Variants in WDR44 observed in about 807,000 individuals in gnomAD.
WDR44 encodes WD repeat-containing protein 44.
In WDR44, 9 loss-of-function variants were observed where a neutral mutation model predicts 65.7. The ratio of observed to expected loss-of-function variants is 0.14; its 90% CI spans 0.08 to 0.24. The LOEUF is 0.24. WDR44 is among the 10% of genes least tolerant of loss of function. WDR44 has a pLI of 1.00. For missense variants in WDR44, 425 were observed against 670.9 expected, an observed-to-expected ratio of 0.63 and a Z score of 4.05; for synonymous variants, 220 against 235.2, an observed-to-expected ratio of 0.94 and a Z score of 0.59.
At chrX:118,440,781 C>G (rs2057297997) in intron 14 of WDR44, among the ~76,000 whole-genome samples, 1 of 111,137 alleles carries the variant, frequency 9.0e-6, no homozygotes, top group Non-Finnish European at 1.9e-5. Flanking sequence ...GCAATACACA[C>G]TCAAACACTT....
chrX:118,377,089 G>T (rs149005505), intron 1 of WDR44, among the ~76,000 whole-genome samples: 11,589 of 110,364 alleles, frequency 0.11, 630 homozygotes, highest in Admixed American at 0.25. Flanking sequence ...GGTACACAGT[G>T]GTTCGTTCCT....
chrX:118,352,352 A>ATATATTTTTTTTTTTTTT (rs1357425730), intron 1 of WDR44, among the ~76,000 whole-genome samples: 4 of 14,224 alleles, frequency 2.8e-4, no homozygotes, highest in Admixed American at 3.7e-3. Flanking sequence ...ATATATATAT[A>ATATATTTTTTTTTTTTTT]TTTTTTTTTT....
chrX:118,424,201 A>G lies in WDR44; in HGVS notation c.1738-8580A>G, dbSNP rs1035736931. Among the ~76,000 whole-genome samples, 12 of 105,260 alleles carry G rather than the reference A, an allele frequency of 1.1e-4. No individual in the cohort carries two copies. In the Admixed American group the frequency reaches 1.2e-3, roughly 10 times the overall value. The allele number at this position is 105,260 out of a possible 115,157, so 91.4% of individuals were successfully genotyped here. A position where few individuals can be genotyped will look rare whatever the true frequency, so the allele number is the denominator to read the frequency against. Reference sequence around the variant, plus strand: ...ACTGGTTTTCATAGTAGGTGCACCAATTTACATTCCCATCGACTGTACAGG... The same window carrying G: ...ACTGGTTTTCATAGTAGGTGCACCAGTTTACATTCCCATCGACTGTACAGG... On this transcript the variant is annotated intron_variant, in intron 12 of 19. Coordinates refer to ENST00000254029, the MANE Select transcript of WDR44 (RefSeq NM_019045.5).
chrX:118,405,632 G>A (rs1271349927), intron 9 of WDR44, among the ~76,000 whole-genome samples: 3 of 111,453 alleles, frequency 2.7e-5, no homozygotes, highest in East Asian at 2.8e-4. Context: ...GAGCCACCGC[G>A]CCTGGCCAGC....
chrX:118,418,245 G>A (rs933243294), intron 12 of WDR44, among the ~76,000 whole-genome samples: 1 of 111,050 alleles, frequency 9.0e-6, no homozygotes, highest in South Asian at 3.9e-4. Context: ...GTGATTTTTC[G>A]GGGGTTGTTA....
intron 12 of WDR44, 74 bp downstream of exon 12, chrX:118,411,033 A>G (rs2057008836): frequency 2.3e-6 from 2 of 868,374 alleles, no homozygotes; most frequent in Admixed American, 3.7e-5. Flanking sequence ...ATTTTTGTGT[A>G]TCAGAAATTA....
rs924368283 is a variant in WDR44, at chrX:118,449,933, T to A, written c.*946T>A. The A allele has an allele frequency of 8.0e-5, 9 of 112,537 alleles. No individual in the cohort carries two copies. Among genetic ancestry groups the A allele is most frequent in the Non-Finnish European group, 1.5e-4 (8 of 53,279 alleles). 9.3% of individuals were successfully genotyped at this position (112,537 alleles called of 1,213,427 possible). A position where few individuals can be genotyped will look rare whatever the true frequency, so the allele number is the denominator to read the frequency against. ...TTTCTGAAAATTAAATATGTATTAT[T>A]AAAAGTTGGTCTCCAACACTTGTTT... On this transcript the variant is annotated 3_prime_UTR_variant, in exon 20 of 20. Coordinates refer to ENST00000254029, the MANE Select transcript of WDR44 (RefSeq NM_019045.5).
chrX:118,421,404 T>C (rs555348088), intron 12 of WDR44, among the ~76,000 whole-genome samples: 1 of 111,665 alleles, frequency 9.0e-6, no homozygotes, highest in Non-Finnish European at 1.9e-5. Context: ...AAGAGATCAT[T>C]TGGGGTTTGT....
Position 118,346,369 on chromosome X carries a change from A to G in WDR44, c.-135A>G. 1.8e-6 allele frequency: 1 copy of G among 546,912 alleles called. No individual in the cohort carries two copies. 45.1% of individuals were successfully genotyped at this position (546,912 alleles called of 1,213,427 possible). ...CTTTCCTTAACAGTCTCCTCGCTAC[A>G]GATCGTCTGCTCCCTCAGCCTCGCC... On this transcript the variant is annotated 5_prime_UTR_variant, in exon 1 of 20. Transcript: ENST00000254029.
intron 19 of WDR44, among the ~76,000 whole-genome samples, chrX:118,445,945 G>A (rs373882769): frequency 2.8e-5 from 3 of 108,140 alleles, no homozygotes; most frequent in Admixed American, 2.0e-4. Flanking sequence ...CTGGAGAATC[G>A]CTTGAACCAG....
At chrX:118,352,599 G>GTCTAACC (rs2056425164) in intron 1 of WDR44, among the ~76,000 whole-genome samples, 1 of 108,427 alleles carries the variant, frequency 9.2e-6, no homozygotes, top group African/African-American at 3.4e-5. Context: ...TAGACTTACT[G>GTCTAACC]TCTAACCTTT....
intron 1 of WDR44, among the ~76,000 whole-genome samples, chrX:118,346,860 G>A (rs2056355697): frequency 8.9e-6 from 1 of 111,917 alleles, no homozygotes; most frequent in South Asian, 3.8e-4. Context: ...CCTTCTGTGA[G>A]GGGGAACAGC....
chrX:118,423,723 AG>A (rs2057124922), intron 12 of WDR44, among the ~76,000 whole-genome samples: 1 of 111,995 alleles, frequency 8.9e-6, no homozygotes, highest in African/African-American at 3.2e-5. Flanking sequence ...TCATTTTGAA[AG>A]TGAAACTTTG....
chrX:118,448,429 C>T (rs2147759863), intron 19 of WDR44, among the ~76,000 whole-genome samples: 1 of 111,934 alleles, frequency 8.9e-6, no homozygotes, highest in Admixed American at 9.6e-5. Context: ...GTGTGTACTT[C>T]ATTTCATGGC....
intron 9 of WDR44, among the ~76,000 whole-genome samples, chrX:118,405,327 C>T (rs1403942946): frequency 9.0e-6 from 1 of 110,668 alleles, no homozygotes; most frequent in Admixed American, 9.7e-5. Context: ...TGAGCCACCA[C>T]GTCTGGCCAA....
chrX:118,376,756 C>T (rs1230929618), intron 1 of WDR44, among the ~76,000 whole-genome samples: 1 of 111,064 alleles, frequency 9.0e-6, no homozygotes, highest in Admixed American at 9.6e-5. Context: ...GTAATCTCAG[C>T]ACTTTGGGAA....
intron 3 of WDR44, 100 bp from the exon 4 acceptor site, chrX:118,392,532 C>A: frequency 1.5e-6 from 1 of 686,232 alleles, no homozygotes; most frequent in South Asian, 3.1e-5. Flanking sequence ...GTGTTAAGAA[C>A]ATTGCCTGGC....
At chrX:118,369,392 C>G (rs1018660001) in intron 1 of WDR44, among the ~76,000 whole-genome samples, 45 of 106,196 alleles carry the variant, frequency 4.2e-4, no homozygotes, top group African/African-American at 1.5e-3. Context: ...AGGGTGGTCT[C>G]GATCTCCTGA....
chrX:118,379,588 C>T (rs758534954), intron 2 of WDR44, among the ~76,000 whole-genome samples: 3 of 110,682 alleles, frequency 2.7e-5, no homozygotes, highest in Non-Finnish European at 5.7e-5. Flanking sequence ...GAGATACAAG[C>T]GTGGTAAAAC....
Sources: gnomAD v4.1 joint callset for allele counts (sites outside exome capture counted in the v4.1 genomes callset) on GRCh38, gnomAD v4.1.1 for gene constraint, MANE v1.5 for transcripts, NCBI Gene and HGNC (gene_info 2026-07-23, HGNC 2026-07-21) for gene names.